RRAGD: variants seen among roughly 807,000 people sequenced by gnomAD.
RRAGD encodes Ras related GTP binding D, also known as ras-related GTP-binding protein D.
RRAGD carries 12 observed loss-of-function variants against 35.5 expected under a neutral mutation model. The observed-to-expected ratio is 0.34, with a 90% confidence interval of 0.22 to 0.55. The LOEUF (loss-of-function observed/expected upper bound fraction) is 0.55. Ranked by LOEUF, RRAGD falls within the 20% of genes least tolerant of loss-of-function variation. RRAGD has a pLI of 0.91. For missense variants in RRAGD, 324 were observed against 490.1 expected (o/e 0.66, Z 3.20); for synonymous variants, 155 against 178.9 (o/e 0.87, Z 1.07).
intron 3 of RRAGD, among the ~76,000 whole-genome samples, chr6:89,379,709 C>G (rs1356592883): frequency 1.3e-5 from 2 of 152,196 alleles, no homozygotes; most frequent in South Asian, 2.1e-4. Flanking sequence ...ATTGAAGCAA[C>G]TATTTTTTTT....
At chr6:89,373,272 G>A (rs2127884830) in intron 5 of RRAGD, among the ~76,000 whole-genome samples, 1 of 152,280 alleles carries the variant, frequency 6.6e-6, no homozygotes, top group East Asian at 1.9e-4. Flanking sequence ...TACTACCCTT[G>A]TATATTTTCT....
intron 1 of RRAGD, among the ~76,000 whole-genome samples, chr6:89,394,231 TA>T (rs536994708): frequency 3.8e-4 from 54 of 143,540 alleles, no homozygotes; most frequent in East Asian, 2.6e-3. Context: ...AGCCCACACC[TA>T]AAAAAAAAAA....
chr6:89,412,041 G>T lies in RRAGD; in HGVS notation c.-48C>A. 1 of 1,505,702 alleles carries T rather than the reference G, an allele frequency of 6.6e-7. No individual in the cohort carries two copies. Among genetic ancestry groups the T allele is most frequent in the Non-Finnish European group, 8.8e-7 (1 of 1,131,480 alleles). 93.3% of individuals were successfully genotyped at this position (1,505,702 alleles called of 1,614,324 possible). On this transcript the variant is annotated 5_prime_UTR_variant, in exon 1 of 7. Coordinates refer to ENST00000369415, the MANE Select transcript of RRAGD (RefSeq NM_021244.5). The surrounding 1 kb of genome is among the most constrained non-coding windows in gnomAD (Gnocchi z 4.2). ...CGGGGACGGCGGGGGTCCCGGGGTGGGGGCCAAGCCTCCTAGCCGGCCGCC... is the reference window on the plus strand; with the variant it reads ...CGGGGACGGCGGGGGTCCCGGGGTGTGGGCCAAGCCTCCTAGCCGGCCGCC...
intron 2 of RRAGD, among the ~76,000 whole-genome samples, chr6:89,384,608 A>G (rs1314849458): frequency 6.6e-6 from 1 of 152,120 alleles, no homozygotes; most frequent in African/African-American, 2.4e-5. Context: ...TGAGGTCAAG[A>G]GATCGAGACC....
At chr6:89,369,180 G>A (rs964358386) in intron 6 of RRAGD, among the ~76,000 whole-genome samples, 2 of 152,162 alleles carry the variant, frequency 1.3e-5, no homozygotes, top group Non-Finnish European at 2.9e-5. Context: ...TCTGAGTAGT[G>A]CCCTCTGCTG....
Position 89,365,879 on chromosome 6 carries a change from T to C in RRAGD, c.*2177A>G, listed in dbSNP as rs1768733653. On this transcript the variant is annotated 3_prime_UTR_variant, in exon 7 of 7. Transcript: ENST00000369415. ...TGAGGATAAAGTCATATTAGAAAAC[T>C]GATTCTTCATTTGCTTATTCAAAGT... The C allele has an allele frequency of 6.6e-6, 1 of 152,238 alleles. No homozygotes were observed. Among genetic ancestry groups the C allele is most frequent in the African/African-American group, 2.4e-5 (1 of 41,460 alleles). The allele number at this position is 152,238 out of a possible 1,614,324, so 9.4% of individuals were successfully genotyped here.
intron 1 of RRAGD, among the ~76,000 whole-genome samples, chr6:89,391,071 T>C (rs1261642695): frequency 3.3e-5 from 5 of 151,908 alleles, no homozygotes; most frequent in Admixed American, 6.6e-5. Flanking sequence ...AACTCATGAA[T>C]GGATGAAAAG....
At position 89,367,353 on chromosome 6, in the gene RRAGD, A is replaced by T. The variant is rs1460442107; in HGVS notation, c.*703T>A. 1 of 152,216 alleles carries T rather than the reference A, an allele frequency of 6.6e-6. No individual in the cohort carries two copies. 9.4% of individuals were successfully genotyped at this position (152,216 alleles called of 1,614,324 possible). A position where few individuals can be genotyped will look rare whatever the true frequency, so the allele number is the denominator to read the frequency against. On this transcript the variant is annotated 3_prime_UTR_variant, in exon 7 of 7. Coordinates refer to ENST00000369415, the MANE Select transcript of RRAGD (RefSeq NM_021244.5). ...ACAAAAAGAAATAACCTCTCTGTAT[A>T]AAGTGATTATAGAGATGTGTGTTGA...
At chr6:89,393,788 C>T (rs1284785488) in intron 1 of RRAGD, among the ~76,000 whole-genome samples, 1 of 152,116 alleles carries the variant, frequency 6.6e-6, no homozygotes, top group African/African-American at 2.4e-5. Context: ...AACTGTCAAG[C>T]TAAATATACT....
intron 1 of RRAGD, among the ~76,000 whole-genome samples, chr6:89,407,262 A>G (rs1261793328): frequency 6.6e-6 from 1 of 152,210 alleles, no homozygotes; most frequent in African/African-American, 2.4e-5. Flanking sequence ...AGAGAACTCT[A>G]AGGCTCTGGC....
In RRAGD at chr6:89,377,822, T is replaced by TAAA; in HGVS notation, c.760-12_760-10dup. On this transcript the variant is annotated splice_polypyrimidine_tract_variant and intron_variant, in intron 4 of 6. Transcript: ENST00000369415. ...TTTTCAATTCCAGAATTCTGAAATT[T>TAAA]AAAAAAAAAAGTTGCCTTAAAGCAA... 7.1e-7 allele frequency: 1 copy of TAAA among 1,413,884 alleles called. No individual in the cohort carries two copies. Among genetic ancestry groups the TAAA allele is most frequent in the East Asian group, 2.6e-5 (1 of 39,012 alleles). 87.6% of individuals were successfully genotyped at this position (1,413,884 alleles called of 1,614,324 possible).
chr6:89,379,403 T>C, intron 3 of RRAGD, 65 bp from the exon 4 acceptor site: 1 of 777,004 alleles, frequency 1.3e-6, no homozygotes, highest in Middle Eastern at 2.3e-4. Flanking sequence ...GCTTAGGCTA[T>C]GTCAAAACAC....
chr6:89,410,271 C>G (rs576544740), intron 1 of RRAGD, among the ~76,000 whole-genome samples: 231 of 152,308 alleles, frequency 1.5e-3, no homozygotes, highest in African/African-American at 5.3e-3. Context: ...CCTCCGCCCC[C>G]CCACTTTTTT....
intron 1 of RRAGD, among the ~76,000 whole-genome samples, chr6:89,398,639 A>G (rs1021043127): frequency 6.6e-6 from 1 of 152,276 alleles, no homozygotes; most frequent in African/African-American, 2.4e-5. Context: ...TATGCATGCA[A>G]TGAGAACTCA....
chr6:89,370,119 AG>A (rs1374220160), intron 6 of RRAGD, among the ~76,000 whole-genome samples: 3 of 152,194 alleles, frequency 2.0e-5, no homozygotes, highest in Non-Finnish European at 4.4e-5. Flanking sequence ...TGATGTTGAG[AG>A]AAAGTCATTT....
chr6:89,403,628 T>C (rs1769521999), intron 1 of RRAGD, among the ~76,000 whole-genome samples: 1 of 17,296 alleles, frequency 5.8e-5, no homozygotes, highest in Non-Finnish European at 9.4e-5. Context: ...TTTCTTTTTC[T>C]TTTTTTTTTT....
chr6:89,409,609 C>T (rs1476533373), intron 1 of RRAGD, among the ~76,000 whole-genome samples: 1 of 152,212 alleles, frequency 6.6e-6, no homozygotes, highest in African/African-American at 2.4e-5. Flanking sequence ...AGTCACAACT[C>T]CCAACCTCCT....
At chr6:89,396,963 A>G (rs1769347752) in intron 1 of RRAGD, among the ~76,000 whole-genome samples, 1 of 151,216 alleles carries the variant, frequency 6.6e-6, no homozygotes, top group Non-Finnish European at 1.5e-5. Context: ...CTGGTCTCGA[A>G]CTCCTGACTT....
intron 1 of RRAGD, among the ~76,000 whole-genome samples, chr6:89,390,862 C>T (rs1046194815): frequency 1.3e-5 from 2 of 152,076 alleles, no homozygotes; most frequent in African/African-American, 4.8e-5. Flanking sequence ...GGCGCCCCTG[C>T]ACTCCAGCCT....
Sources: gnomAD v4.1 joint callset for allele counts (sites outside exome capture counted in the v4.1 genomes callset) on GRCh38, gnomAD v4.1.1 for gene constraint, Gnocchi (gnomAD v3.1) non-coding constraint, MANE v1.5 for transcripts, NCBI Gene and HGNC (gene_info 2026-07-23, HGNC 2026-07-21) for gene names.